Variants in COL5A3 observed in about 807,000 individuals in gnomAD.
COL5A3 encodes the protein collagen alpha-3(V) chain.
A neutral mutation model predicts 250.0 loss-of-function variants in COL5A3; 172 were observed. The ratio of observed to expected loss-of-function variants is 0.69; its 90% CI spans 0.61 to 0.78. The LOEUF is 0.78. COL5A3 is among the 30% of genes least tolerant of loss of function. COL5A3 has a pLI of 0.00. For missense variants in COL5A3, 2,340 were observed against 2,334.4 expected (o/e 1.00, Z -0.05); for synonymous variants, 937 against 900.4 (o/e 1.04, Z -0.73).
At position 9,978,548 on chromosome 19, in the gene COL5A3, C is replaced by T. The variant is rs888155403; in HGVS notation, c.3018+26G>A. The T allele has an allele frequency of 1.0e-5, 16 of 1,541,648 alleles. No homozygotes were observed. In the African/African-American group the frequency reaches 1.1e-4, roughly 11 times the overall value. ...CCTTGAGTCCCCTCCACCCTGCCCC[C>T]ACCCAGCACATGGGGTTATACTTAC... On this transcript the variant is annotated intron_variant, in intron 41 of 66. Coordinates refer to ENST00000264828, the MANE Select transcript of COL5A3 (RefSeq NM_015719.4).
Position 9,962,804 on chromosome 19 carries a change from G to GCCT in COL5A3, c.4851+12_4851+14dup. ...AATTTTCATGTCACTCCCCATCTCG[G>GCCT]CCTCGGTGACTCACCTTCTTCCCTC... On this transcript the variant is annotated intron_variant, in intron 65 of 66. Coordinates refer to ENST00000264828, the MANE Select transcript of COL5A3 (RefSeq NM_015719.4). The GCCT allele has an allele frequency of 6.2e-7, 1 of 1,603,160 alleles. No individual in the cohort carries two copies. The highest frequency in any genetic ancestry group is 1.1e-5 in the South Asian group (1 of 89,242).
chr19:9,987,808 G>A (rs552302058), intron 27 of COL5A3, among the ~76,000 whole-genome samples: 1 of 151,994 alleles, frequency 6.6e-6, no homozygotes, highest in South Asian at 2.1e-4. Context: ...GGTGGGATAC[G>A]CCTATAGTCC....
In COL5A3 at chr19:9,966,579, G is replaced by T. The variant is rs1435503153; in HGVS notation, c.4626C>A (p.Leu1542=). The T allele has an allele frequency of 6.5e-7, 1 of 1,542,276 alleles. No homozygotes were observed. Among genetic ancestry groups the T allele is most frequent in the Admixed American group, 2.0e-5 (1 of 51,064 alleles). The part of the protein sequence containing the change: ...RPPGTAERPG[L]VCHELHRNHP... Reference sequence around the variant, plus strand: ...GGTTGCGGTGCAGCTCGTGGCACACGAGGCCCGGGCGCTCCGCAGTGCCGG... The same window carrying T: ...GGTTGCGGTGCAGCTCGTGGCACACTAGGCCCGGGCGCTCCGCAGTGCCGG... The change falls in exon 63 of 67, where the codon CTC becomes CTA. Residue 1542 remains leucine (L), a synonymous_variant. Transcript: ENST00000264828.
rs148984679 is a variant in COL5A3 at position 9,967,329 on chromosome 19, G to GCCC, written c.4458+15_4458+17dup. 7.8e-6 allele frequency: 11 copies of GCCC among 1,413,914 alleles called. No individual in the cohort carries two copies. In the African/African-American group the frequency reaches 1.2e-4, roughly 16 times the overall value. The allele number at this position is 1,413,914 out of a possible 1,614,324, so 87.6% of individuals were successfully genotyped here. ...CCCAGGTTTTGGTGTCCATTCCCCC[G>GCCC]CCCCCCGGGGAACTCACCGGGGGGC... is the stretch of plus-strand genomic sequence containing the variant. On this transcript the variant is annotated intron_variant, in intron 62 of 66. Transcript: ENST00000264828.
At position 10,001,823 on chromosome 19, in the gene COL5A3, G is replaced by A. The variant is rs766094616; in HGVS notation, c.908C>T (p.Thr303Met). 6.8e-6 allele frequency: 11 copies of A among 1,614,060 alleles called. No individual in the cohort carries two copies. Among genetic ancestry groups the A allele is most frequent in the East Asian group, 6.7e-5 (3 of 44,892 alleles). Residue 303 changes from threonine (T) to methionine (M), a missense_variant, in exon 7 of 67, where the codon ACG becomes ATG. Physicochemically the swap from Thr to Met is moderately conservative, Grantham distance 81. Around this residue, in one of 3 missense-constraint regions of COL5A3, gnomAD observed 1,152 missense variants for 1,146.3 expected, o/e 1.00. Coordinates refer to ENST00000264828, the MANE Select transcript of COL5A3 (RefSeq NM_015719.4). ...CACAGTGGAGGTGACGACCAAAGGC[G>A]TGGGGGTCGGAGGCAGATTTGGAGC... Reference protein sequence around the residue: ...TPAPNLPPTPTPLVVTSTVTT... With the variant: ...TPAPNLPPTPMPLVVTSTVTT...
chr19:9,970,919 A>T, intron 53 of COL5A3, 56 bp downstream of exon 53: 1 of 1,177,348 alleles, frequency 8.5e-7, no homozygotes. Flanking sequence ...CAATTCACTC[A>T]CTCATTAGCT....
At position 9,978,595 on chromosome 19, in the gene COL5A3, G is replaced by A; in HGVS notation, c.2997C>T (p.Pro999=). The A allele has an allele frequency of 6.3e-7, 1 of 1,582,220 alleles. No individual in the cohort carries two copies. Among genetic ancestry groups the A allele is most frequent in the Non-Finnish European group, 8.6e-7 (1 of 1,165,868 alleles). The change falls in exon 41 of 67, where the codon CCC becomes CCT. Residue 999 remains proline (P), a synonymous_variant. Coordinates refer to ENST00000264828, the MANE Select transcript of COL5A3 (RefSeq NM_015719.4). The part of the protein sequence containing the change: ...GPTGLKGDKG[P]PGPVGANGSP... ...TTACATTGGCCCCCACGGGCCCTGGGGGGCCCTTATCACCCTTTAAGCCAG... is the reference window on the plus strand; with the variant it reads ...TTACATTGGCCCCCACGGGCCCTGGAGGGCCCTTATCACCCTTTAAGCCAG...
chr19:9,982,426 C>A (rs1337924890), intron 31 of COL5A3, among the ~76,000 whole-genome samples: 2 of 152,176 alleles, frequency 1.3e-5, no homozygotes, highest in Admixed American at 6.5e-5. Context: ...CCTTAGAATG[C>A]CTTTCTACCA....
chr19:9,996,775 CAGAAAG>C (rs2087280242), intron 11 of COL5A3, 86 bp from the exon 12 acceptor site: 1 of 984,896 alleles, frequency 1.0e-6, no homozygotes, highest in African/African-American at 1.8e-5. Flanking sequence ...AAGGATGAGT[CAGAAAG>C]AGAGAGAGAG....
chr19:9,972,898 C>T, intron 51 of COL5A3, 21 bp downstream of exon 51: 2 of 1,548,544 alleles, frequency 1.3e-6, no homozygotes, highest in Non-Finnish European at 1.7e-6. Flanking sequence ...ATGTCTGCCC[C>T]CACTTCCCCC....
rs2086649952 is a variant in COL5A3, at chr19:9,960,096, A to G, written c.*315T>C. 3.1e-6 allele frequency: 1 copy of G among 317,888 alleles called. No individual in the cohort carries two copies. The highest frequency in any genetic ancestry group is 5.7e-6 in the Non-Finnish European group (1 of 176,396). 19.7% of individuals were successfully genotyped at this position (317,888 alleles called of 1,614,324 possible). A position where few individuals can be genotyped will look rare whatever the true frequency, so the allele number is the denominator to read the frequency against. ...GGGGGTGGGGGGGCTTTTGTTCATC[A>G]GCTCTGAGTTAGAAGCTCATTGCAT... On this transcript the variant is annotated 3_prime_UTR_variant, in exon 67 of 67. Coordinates refer to ENST00000264828, the MANE Select transcript of COL5A3 (RefSeq NM_015719.4).
At position 9,982,051 on chromosome 19, in the gene COL5A3, C is replaced by A. The variant is rs2287809; in HGVS notation, c.2460+14G>T. 1.9e-4 allele frequency: 303 copies of A among 1,605,664 alleles called. 2 individuals carry two copies. In the East Asian group the frequency reaches 5.3e-3, roughly 28 times the overall value. On this transcript the variant is annotated intron_variant, in intron 32 of 66. Coordinates refer to ENST00000264828, the MANE Select transcript of COL5A3 (RefSeq NM_015719.4). ...CAAGTTCTCCCCTCTCCCTTACCCC[C>A]GGTCATGACTCACCGACTTCCCTTT... is the stretch of plus-strand genomic sequence containing the variant.
At chr19:9,987,807 C>T (rs536539684) in intron 27 of COL5A3, among the ~76,000 whole-genome samples, 4 of 152,034 alleles carry the variant, frequency 2.6e-5, no homozygotes, top group African/African-American at 7.2e-5. Context: ...TGGTGGGATA[C>T]GCCTATAGTC....
intron 26 of COL5A3, 27 bp downstream of exon 26, chr19:9,989,295 A>C: frequency 6.2e-7 from 1 of 1,613,982 alleles, no homozygotes. Context: ...CTCGTCCCCA[A>C]CCCAGCCTAA....
chr19:9,992,782 C>A (rs925905619), intron 21 of COL5A3, 45 bp downstream of exon 21: 1 of 1,600,616 alleles, frequency 6.2e-7, no homozygotes, highest in Non-Finnish European at 8.5e-7. Context: ...AATCTCAAAA[C>A]AAACAAAAAG....
chr19:10,010,412 G>A lies in COL5A3; in HGVS notation c.-27C>T. 7.3e-7 allele frequency: 1 copy of A among 1,361,910 alleles called. No individual in the cohort carries two copies. The highest frequency in any genetic ancestry group is 9.5e-7 in the Non-Finnish European group (1 of 1,048,946). 84.4% of individuals were successfully genotyped at this position (1,361,910 alleles called of 1,614,324 possible). ...CCGGCGGGGCCCACGGGCAAGGCGG[G>A]GAACCAGTCGGGGCGGCTGCGGGGC... On this transcript the variant is annotated 5_prime_UTR_variant, in exon 1 of 67. Transcript: ENST00000264828.
chr19:9,989,146 T>G lies in COL5A3; in HGVS notation c.2123A>C (p.Tyr708Ser), dbSNP rs1315816855. The change falls in exon 27 of 67, where the codon TAT becomes TCT. Residue 708 changes from tyrosine to serine, a missense_variant. This residue lies in a region of COL5A3 where 1,152 missense variants were observed against 1,146.3 expected (regional missense o/e 1.00). Coordinates refer to ENST00000264828, the MANE Select transcript of COL5A3 (RefSeq NM_015719.4). ...GPPGSAGPPGYPGPRGVKGTS... is the reference protein window; with the variant it reads ...GPPGSAGPPGSPGPRGVKGTS... The stretch of plus-strand genomic sequence containing the variant: ...TACCTTCACTCCCCGAGGTCCAGGA[T>G]AGCCCGGAGGGCCTGCCGACCCTGG... 2 of 1,614,240 alleles carry G rather than the reference T, an allele frequency of 1.2e-6. No homozygotes were observed. The highest frequency in any genetic ancestry group is 4.5e-5 in the East Asian group (2 of 44,882).
chr19:9,996,403 C>T (rs1357704192), intron 13 of COL5A3, 30 bp downstream of exon 13: 4 of 1,610,422 alleles, frequency 2.5e-6, no homozygotes, highest in Middle Eastern at 1.7e-4. Context: ...CTCTGGGGTT[C>T]CTCCCACTAT....
intron 4 of COL5A3, 127 bp downstream of exon 4, chr19:10,005,431 C>T: frequency 1.1e-6 from 1 of 937,892 alleles, no homozygotes; most frequent in Non-Finnish European, 1.6e-6. Context: ...CATGAACTCG[C>T]TTCCCTTAGC....
Sources: gnomAD v4.1 joint callset for allele counts (sites outside exome capture counted in the v4.1 genomes callset) on GRCh38, gnomAD v4.1.1 for gene constraint, gnomAD v4.1.1 regional missense constraint, MANE v1.5 for transcripts, NCBI Gene and HGNC (gene_info 2026-07-23, HGNC 2026-07-21) for gene names.